Variants in PCCA observed in about 807,000 individuals in gnomAD.
The protein encoded by PCCA is propionyl-CoA carboxylase subunit alpha, also known as propionyl-CoA carboxylase alpha chain, mitochondrial.
Under a neutral mutation model 101.3 loss-of-function variants are expected in PCCA, and 74 were observed. The ratio of observed to expected loss-of-function variants is 0.73; its 90% CI spans 0.61 to 0.89. The LOEUF (loss-of-function observed/expected upper bound fraction) is 0.89, where lower values mean the gene tolerates loss of function less well. Ranked by LOEUF, PCCA falls within the 40% of genes least tolerant of loss-of-function variation. The pLI is 0.00. For missense variants in PCCA, 891 were observed against 907.0 expected (o/e 0.98, Z 0.23); for synonymous variants, 294 against 313.6 (o/e 0.94, Z 0.66).
chr13:100,337,856 T>C (rs576483292), intron 17 of PCCA, among the ~76,000 whole-genome samples: 10 of 152,322 alleles, frequency 6.6e-5, no homozygotes, highest in African/African-American at 2.4e-4. Context: ...TGAACCACCA[T>C]GAGAAATACA....
At chr13:100,505,485 T>C (rs1211815630) in intron 21 of PCCA, among the ~76,000 whole-genome samples, 1 of 152,204 alleles carries the variant, frequency 6.6e-6, no homozygotes, top group Non-Finnish European at 1.5e-5. Flanking sequence ...ATCTATTTGC[T>C]CTCAAACATG....
intron 16 of PCCA, among the ~76,000 whole-genome samples, chr13:100,317,521 A>G (rs1351124346): frequency 1.3e-5 from 2 of 152,156 alleles, no homozygotes; most frequent in Non-Finnish European, 2.9e-5. Context: ...TTCTCTGCAA[A>G]TGGCAACTTC....
Position 100,298,732 on chromosome 13 carries a change from TTCCTTCCTTCCG to T in PCCA, c.1066-2710_1066-2699del, listed in dbSNP as rs751058547. On this transcript the variant is annotated intron_variant, in intron 12 of 23. Transcript: ENST00000376285. ...CTTCCTTCCTTCCTTCCTTCCTTCC[TTCCTTCCTTCCG>T]TCCTTCCTTCCGTCCTTTTGTTCCT... 7.8e-4 allele frequency among the ~76,000 whole-genome samples: 81 copies of T among 104,360 alleles called. 1 individual carries two copies. The highest frequency in any genetic ancestry group is 1.5e-3 in the African/African-American group (39 of 26,338). The allele number at this position is 104,360 out of a possible 152,430, so 68.5% of individuals were successfully genotyped here.
intron 6 of PCCA, among the ~76,000 whole-genome samples, chr13:100,179,183 A>G (rs1228988885): frequency 6.6e-6 from 1 of 151,868 alleles, no homozygotes; most frequent in African/African-American, 2.4e-5. Context: ...GTACCTTGAC[A>G]TACCCTAACA....
chr13:100,165,801 A>G (rs917568275), intron 6 of PCCA, among the ~76,000 whole-genome samples: 11 of 152,120 alleles, frequency 7.2e-5, no homozygotes, highest in African/African-American at 2.7e-4. Flanking sequence ...GGAGGCCGAG[A>G]TAGGAGGATC....
At chr13:100,431,981 G>A (rs1207737577) in intron 20 of PCCA, among the ~76,000 whole-genome samples, 1 of 152,088 alleles carries the variant, frequency 6.6e-6, no homozygotes, top group Non-Finnish European at 1.5e-5. Flanking sequence ...CCTGAGGTAA[G>A]GCGTTTGATA....
chr13:100,293,558 A>G (rs1015935537), intron 12 of PCCA, among the ~76,000 whole-genome samples: 1 of 152,230 alleles, frequency 6.6e-6, no homozygotes, highest in Non-Finnish European at 1.5e-5. Context: ...AGTGTTTGAT[A>G]GAAAGAATGA....
chr13:100,246,013 G>T (rs1253151913), intron 8 of PCCA, among the ~76,000 whole-genome samples: 4 of 152,116 alleles, frequency 2.6e-5, no homozygotes, highest in African/African-American at 9.7e-5. Flanking sequence ...AATATTTGTT[G>T]GTCTTTTTTA....
intron 22 of PCCA, among the ~76,000 whole-genome samples, chr13:100,516,762 A>AGTGTGTGTGTGTGTGTGTGTGTG (rs1382893777): frequency 7.3e-5 from 8 of 109,232 alleles, no homozygotes; most frequent in African/African-American, 1.8e-4. Flanking sequence ...TGTGTGTGTA[A>AGTGTGTGTGTGTGTGTGTGTGTG]TGTGTGTAAA....
intron 16 of PCCA, among the ~76,000 whole-genome samples, chr13:100,311,420 A>G (rs1405688529): frequency 6.6e-6 from 1 of 152,122 alleles, no homozygotes; most frequent in Non-Finnish European, 1.5e-5. Context: ...ATGTTGTTCA[A>G]TAACTTTAGT....
At chr13:100,513,931 C>T (rs2086654074) in intron 21 of PCCA, among the ~76,000 whole-genome samples, 1 of 152,120 alleles carries the variant, frequency 6.6e-6, no homozygotes, top group Non-Finnish European at 1.5e-5. Context: ...CAATTTGGTC[C>T]AATTATAGTC....
chr13:100,190,624 G>A (rs1594638740), intron 6 of PCCA, among the ~76,000 whole-genome samples: 1 of 152,072 alleles, frequency 6.6e-6, no homozygotes, highest in South Asian at 2.1e-4. Context: ...GCAGTGAGCC[G>A]AGATTGTGCT....
intron 2 of PCCA, among the ~76,000 whole-genome samples, chr13:100,105,843 T>C (rs2047718199): frequency 7.1e-5 from 1 of 14,094 alleles, no homozygotes; most frequent in Non-Finnish European, 1.1e-4. Context: ...AGATCCTGTC[T>C]CAAAAAAAAA....
chr13:100,462,733 T>C (rs1442440258), intron 21 of PCCA, among the ~76,000 whole-genome samples: 2 of 152,320 alleles, frequency 1.3e-5, no homozygotes, highest in Non-Finnish European at 1.5e-5. Flanking sequence ...ATGGTAGTCA[T>C]GAGAGTCAGT....
At chr13:100,497,582 C>T (rs2085365403) in intron 21 of PCCA, among the ~76,000 whole-genome samples, 1 of 151,922 alleles carries the variant, frequency 6.6e-6, no homozygotes, top group Non-Finnish European at 1.5e-5. Context: ...TGCTGCAATT[C>T]TGCAAGAGTC....
intron 16 of PCCA, among the ~76,000 whole-genome samples, chr13:100,324,134 C>A (rs2068379723): frequency 6.6e-6 from 1 of 152,250 alleles, no homozygotes; most frequent in Non-Finnish European, 1.5e-5. Context: ...ATGCTGCAGT[C>A]ACCTGCTCTT....
At chr13:100,493,493 C>G (rs1404627520) in intron 21 of PCCA, among the ~76,000 whole-genome samples, 1 of 152,178 alleles carries the variant, frequency 6.6e-6, no homozygotes, top group Non-Finnish European at 1.5e-5. Context: ...AGAAGAGAGC[C>G]AACCCACGTG....
rs530089628 is a variant in PCCA, at chr13:100,225,758, A to G, written c.601-10084A>G. ...CAATTATTTTTACTATGCTGTTTTT[A>G]CAATGATAGAAAAGTGTACTAAATT... On this transcript the variant is annotated intron_variant, in intron 7 of 23. Coordinates refer to ENST00000376285, the MANE Select transcript of PCCA (RefSeq NM_000282.4). Among the ~76,000 whole-genome samples the G allele has an allele frequency of 6.7e-4, 102 of 152,354 alleles. 1 individual carries two copies. Among genetic ancestry groups the G allele is most frequent in the African/African-American group, 2.2e-3 (93 of 41,594 alleles).
At chr13:100,263,402 A>G (rs982135589) in intron 10 of PCCA, among the ~76,000 whole-genome samples, 8 of 152,262 alleles carry the variant, frequency 5.3e-5, no homozygotes, top group Non-Finnish European at 8.8e-5. Context: ...ATTGATAAAA[A>G]CAAATGTCAA....
Sources: gnomAD v4.1 joint callset for allele counts (sites outside exome capture counted in the v4.1 genomes callset) on GRCh38, gnomAD v4.1.1 for gene constraint, MANE v1.5 for transcripts, NCBI Gene and HGNC (gene_info 2026-07-23, HGNC 2026-07-21) for gene names.